Variants in GNG4 observed in about 807,000 individuals in gnomAD.
GNG4 encodes the protein G protein subunit gamma 4, also known as guanine nucleotide-binding protein G(I)/G(S)/G(O) subunit gamma-4.
A neutral mutation model predicts 5.8 loss-of-function variants in GNG4; 4 were observed. That is an observed-to-expected ratio of 0.69 (90% CI 0.34 to 1.57). The LOEUF is 1.57. Among genes scored for constraint, GNG4 ranks in the 40% most tolerant of loss-of-function variants. The pLI is 0.06. For synonymous variants in GNG4, 29 were observed against 32.9 expected (o/e 0.88, Z 0.41); for missense variants, 96 against 95.1 (o/e 1.01, Z -0.04).
chr1:235,645,974 T>C (rs1657500683), intron 1 of GNG4, among the ~76,000 whole-genome samples: 3 of 152,120 alleles, frequency 2.0e-5, no homozygotes, highest in South Asian at 2.1e-4. Flanking sequence ...CAGGCACTGA[T>C]GAGAAAGGCA....
At chr1:235,586,622 C>T (rs544856877) in intron 2 of GNG4, among the ~76,000 whole-genome samples, 5 of 152,324 alleles carry the variant, frequency 3.3e-5, no homozygotes, top group African/African-American at 1.2e-4. Flanking sequence ...CAGCGCCACC[C>T]TTTGGTGATA....
chr1:235,575,884 G>A (rs1038295065), intron 3 of GNG4, among the ~76,000 whole-genome samples: 1 of 152,144 alleles, frequency 6.6e-6, no homozygotes, highest in Non-Finnish European at 1.5e-5. Flanking sequence ...GCCTGGGAGC[G>A]CTGCACTTCA....
At chr1:235,563,992 T>TAATAAATTCCTTTTATAATC (rs1687131803) in intron 3 of GNG4, among the ~76,000 whole-genome samples, 1 of 152,246 alleles carries the variant, frequency 6.6e-6, no homozygotes, top group Non-Finnish European at 1.5e-5. Context: ...AAAATCCCTT[T>TAATAAATTCCTTTTATAATC]AATAAATTCC....
chr1:235,638,919 G>T (rs1657217262), intron 1 of GNG4, among the ~76,000 whole-genome samples: 1 of 152,066 alleles, frequency 6.6e-6, no homozygotes, highest in Admixed American at 6.6e-5. Context: ...TGGGCATTTG[G>T]GTTGGTTCCA....
At chr1:235,587,370 AGT>A (rs71677446) in intron 2 of GNG4, among the ~76,000 whole-genome samples, 454 of 32,440 alleles carry the variant, frequency 0.014, 9 homozygotes, top group African/African-American at 0.046. Context: ...GGTGTGTGTG[AGT>A]GTGTGTGTGA....
intron 3 of GNG4, among the ~76,000 whole-genome samples, chr1:235,570,896 ATGTG>A (rs201379503): frequency 1.2e-3 from 151 of 127,702 alleles, no homozygotes; most frequent in South Asian, 2.1e-3. Flanking sequence ...GTATGTATAT[ATGTG>A]TGTGTGTGTA....
chr1:235,599,399 C>T (rs990646506), intron 1 of GNG4, among the ~76,000 whole-genome samples: 5 of 151,882 alleles, frequency 3.3e-5, no homozygotes, highest in Non-Finnish European at 5.9e-5. Context: ...TCACTGCAAC[C>T]GCCGCCTCCC....
intron 1 of GNG4, among the ~76,000 whole-genome samples, chr1:235,619,890 G>C (rs948931855): frequency 6.6e-6 from 1 of 152,168 alleles, no homozygotes; most frequent in African/African-American, 2.4e-5. Flanking sequence ...CTTTGTTTTG[G>C]AGAAGAAAGT....
At chr1:235,565,478 T>C (rs1304430997) in intron 3 of GNG4, among the ~76,000 whole-genome samples, 1 of 152,140 alleles carries the variant, frequency 6.6e-6, no homozygotes, top group African/African-American at 2.4e-5. Context: ...CACTCTAGCC[T>C]GGGCTTGTGA....
At chr1:235,629,103 A>C (rs1313526510) in intron 1 of GNG4, among the ~76,000 whole-genome samples, 2 of 149,720 alleles carry the variant, frequency 1.3e-5, no homozygotes, top group East Asian at 3.9e-4. Context: ...TTACAGCCTC[A>C]AACTCTTGGG....
chr1:235,603,642 A>T (rs1245458414), intron 1 of GNG4, among the ~76,000 whole-genome samples: 1 of 152,196 alleles, frequency 6.6e-6, no homozygotes, highest in African/African-American at 2.4e-5. Flanking sequence ...CAATTACTCA[A>T]CTTACATCTT....
intron 3 of GNG4, chr1:235,565,885 T>G (rs1687181318): frequency 6.6e-6 from 1 of 152,212 alleles, no homozygotes; most frequent in Non-Finnish European, 1.5e-5. Flanking sequence ...TGCTGATGTT[T>G]GTGCATTCCA....
chr1:235,643,139 G>GGGCCTGCTGC (rs994445529), intron 1 of GNG4, among the ~76,000 whole-genome samples: 13 of 152,226 alleles, frequency 8.5e-5, no homozygotes, highest in African/African-American at 3.1e-4. Flanking sequence ...GGCCAAGGTG[G>GGGCCTGCTGC]GGCCTGCTGC....
At chr1:235,593,370 C>G (rs2841895) in intron 2 of GNG4, among the ~76,000 whole-genome samples, 106,890 of 152,170 alleles carry the variant, frequency 0.7, 39,290 homozygotes, top group African/African-American at 0.91. Context: ...ACCTGACTCA[C>G]GGCACAGTAC....
At chr1:235,595,751 C>T (rs1165149103) in intron 1 of GNG4, among the ~76,000 whole-genome samples, 1 of 152,220 alleles carries the variant, frequency 6.6e-6, no homozygotes, top group African/African-American at 2.4e-5. Flanking sequence ...CACCCCGGGC[C>T]TCACCAGACT....
At chr1:235,587,455 TACAGGGTGG>T (rs1310509691) in intron 2 of GNG4, among the ~76,000 whole-genome samples, 7 of 5,398 alleles carry the variant, frequency 1.3e-3, no homozygotes, top group Admixed American at 2.4e-3. Context: ...TGTGTGAGGG[TACAGGGTGG>T]GGGGTGAGTG....
Position 235,642,594 on chromosome 1 carries a change from G to A in GNG4, c.-123+7068C>T, listed in dbSNP as rs1657364934. 1.3e-5 allele frequency among the ~76,000 whole-genome samples: 2 copies of A among 152,136 alleles called. No homozygotes were observed. The highest frequency in any genetic ancestry group is 4.8e-5 in the African/African-American group (2 of 41,424). On this transcript the variant is annotated intron_variant, in intron 1 of 3. Transcript: ENST00000391854. This position sits in a 1 kb window ranked among gnomAD's most constrained non-coding sequence, Gnocchi z 4.3. ...GGTTGGCTGTGGTTTTGCAGAGGCG[G>A]GCAGGAGGGGCAGGGGGCCAGGGAG...
chr1:235,557,738 C>T (rs1217709942), intron 3 of GNG4, among the ~76,000 whole-genome samples: 1 of 152,196 alleles, frequency 6.6e-6, no homozygotes, highest in Non-Finnish European at 1.5e-5. Context: ...ACATCCTGTA[C>T]ATCATGACCA....
chr1:235,626,899 C>T (rs1470488353), intron 1 of GNG4, among the ~76,000 whole-genome samples: 1 of 125,118 alleles, frequency 8.0e-6, no homozygotes, highest in African/African-American at 3.0e-5. Context: ...GTGGAGTTTG[C>T]AGTGAACTGA....
Sources: gnomAD v4.1 joint callset for allele counts (sites outside exome capture counted in the v4.1 genomes callset) on GRCh38, gnomAD v4.1.1 for gene constraint, Gnocchi (gnomAD v3.1) non-coding constraint, MANE v1.5 for transcripts, NCBI Gene and HGNC (gene_info 2026-07-23, HGNC 2026-07-21) for gene names.